ADGRB3: variants seen among roughly 807,000 people sequenced by gnomAD.
ADGRB3 encodes the protein brain-specific angiogenesis inhibitor 3.
Under a neutral mutation model 193.4 loss-of-function variants are expected in ADGRB3, and 37 were observed. That is an observed-to-expected ratio of 0.19 (90% confidence interval 0.15 to 0.25). ADGRB3 has a LOEUF of 0.25. ADGRB3 is among the 10% of genes least tolerant of loss of function. The pLI, the probability that ADGRB3 is intolerant of heterozygous loss-of-function variation, is 1.00. For synonymous variants in ADGRB3, 690 were observed against 644.2 expected, an observed-to-expected ratio of 1.07 and a Z score of -1.08; for missense variants, 1,637 against 1,852.9, an observed-to-expected ratio of 0.88 and a Z score of 2.14.
intron 3 of ADGRB3, among the ~76,000 whole-genome samples, chr6:68,904,572 C>G (rs904127649): frequency 6.6e-6 from 1 of 152,132 alleles, no homozygotes; most frequent in African/African-American, 2.4e-5. Flanking sequence ...TAAATGGAAT[C>G]ATTGCTGATT....
In ADGRB3 at chr6:68,911,721, A is replaced by G. The variant is rs367589867; in HGVS notation, c.758-18838A>G. ...CCATGGTCTTTGCAAAAATAAGTTT[A>G]AGGCTGGCAATTACTTTTTTAGCTC... On this transcript the variant is annotated intron_variant, in intron 3 of 31. Coordinates refer to ENST00000370598, the MANE Select transcript of ADGRB3 (RefSeq NM_001704.3). Among the ~76,000 whole-genome samples the G allele has an allele frequency of 6.6e-5, 10 of 152,300 alleles. No individual in the cohort carries two copies. In the East Asian group the frequency reaches 1.5e-3, roughly 24 times the overall value.
intron 17 of ADGRB3, among the ~76,000 whole-genome samples, chr6:69,172,956 G>A (rs141656891): frequency 1.3e-5 from 2 of 152,210 alleles, no homozygotes; most frequent in Non-Finnish European, 2.9e-5. Flanking sequence ...TAAAGAGACA[G>A]GAGTTATAGG....
chr6:69,124,049 G>A (rs1300870471), intron 17 of ADGRB3, among the ~76,000 whole-genome samples: 1 of 151,562 alleles, frequency 6.6e-6, no homozygotes, highest in African/African-American at 2.4e-5. Context: ...ATAAACATTA[G>A]AGGCATCATT....
At position 69,063,026 on chromosome 6, in the gene ADGRB3, A is replaced by G. The variant is rs1275439015; in HGVS notation, c.2426A>G (p.His809Arg). 6.2e-7 allele frequency: 1 copy of G among 1,610,710 alleles called. No homozygotes were observed. Among genetic ancestry groups the G allele is most frequent in the East Asian group, 2.2e-5 (1 of 44,806 alleles). ...TDSFLEIELA[H>R]LANGTLNPYC... The stretch of plus-strand genomic sequence containing the variant: ...TCGTTTCTGGAGATAGAACTAGCTC[A>G]TTTGGCTAATGTAAGTACCATCCAC... Residue 809 changes from histidine (H) to arginine (R), a missense_variant, in exon 16 of 32, where the codon CAT becomes CGT. Physicochemically the swap from His to Arg is conservative, Grantham distance 29 (BLOSUM62 0). This residue lies in a region of ADGRB3 where 641 missense variants were observed against 673.9 expected (regional missense o/e 0.95). Transcript: ENST00000370598.
intron 17 of ADGRB3, chr6:69,233,040 G>T (rs1361462116): frequency 4.2e-5 from 22 of 519,486 alleles, no homozygotes; most frequent in South Asian, 3.7e-4. Context: ...AGCTAGTCCC[G>T]GTTTCAGCAC....
chr6:69,383,074 T>C (rs1318546117), intron 31 of ADGRB3, 139 bp downstream of exon 31: 2 of 467,938 alleles, frequency 4.3e-6, no homozygotes, highest in African/African-American at 2.0e-5. Context: ...AAAACATACT[T>C]TGGAAAGTCT....
At chr6:69,182,793 T>C (rs1315462864) in intron 17 of ADGRB3, among the ~76,000 whole-genome samples, 1 of 152,072 alleles carries the variant, frequency 6.6e-6, no homozygotes, top group Non-Finnish European at 1.5e-5. Flanking sequence ...ATTTCCATGG[T>C]GTAAATATTC....
chr6:69,211,560 G>T (rs573031796), intron 17 of ADGRB3, among the ~76,000 whole-genome samples: 27 of 152,194 alleles, frequency 1.8e-4, no homozygotes, highest in African/African-American at 6.5e-4. Context: ...TGTAACAACT[G>T]AGCTTAAAGA....
At chr6:69,317,233 A>G (rs976072178) in intron 20 of ADGRB3, among the ~76,000 whole-genome samples, 2 of 151,548 alleles carry the variant, frequency 1.3e-5, no homozygotes, top group Non-Finnish European at 3.0e-5. Flanking sequence ...CAGTACGTAC[A>G]TCAAAGATGA....
chr6:68,741,502 T>C (rs1298423383), intron 3 of ADGRB3, among the ~76,000 whole-genome samples: 3 of 152,114 alleles, frequency 2.0e-5, no homozygotes, highest in Non-Finnish European at 2.9e-5. Context: ...TCCTCCAACC[T>C]GAGCCTCCCG....
At chr6:68,756,418 C>CTG (rs1270234990) in intron 3 of ADGRB3, among the ~76,000 whole-genome samples, 1 of 152,154 alleles carries the variant, frequency 6.6e-6, no homozygotes, top group Non-Finnish European at 1.5e-5. Flanking sequence ...CAAGGGGGAA[C>CTG]TGTGTGTGCA....
chr6:69,355,183 A>G (rs1378878663), intron 27 of ADGRB3, among the ~76,000 whole-genome samples: 1 of 152,188 alleles, frequency 6.6e-6, no homozygotes, highest in Non-Finnish European at 1.5e-5. Flanking sequence ...AAATTTTATC[A>G]TTTCAAAACA....
chr6:69,079,420 A>G (rs907764432), intron 17 of ADGRB3, among the ~76,000 whole-genome samples: 2 of 152,094 alleles, frequency 1.3e-5, no homozygotes, highest in African/African-American at 4.8e-5. Flanking sequence ...TTGATGGAAC[A>G]TATCTCAAAA....
chr6:68,726,696 T>C (rs566452013), intron 3 of ADGRB3, among the ~76,000 whole-genome samples: 2 of 151,798 alleles, frequency 1.3e-5, no homozygotes, highest in South Asian at 4.1e-4. Flanking sequence ...ATTTTTGAGA[T>C]CTGACATCCT....
At chr6:68,719,089 A>G (rs928300925) in intron 3 of ADGRB3, among the ~76,000 whole-genome samples, 1 of 151,852 alleles carries the variant, frequency 6.6e-6, no homozygotes, top group Non-Finnish European at 1.5e-5. Context: ...TATAAGTTAT[A>G]TAAAGTAATT....
intron 3 of ADGRB3, among the ~76,000 whole-genome samples, chr6:68,816,729 T>A (rs1360492817): frequency 1.3e-5 from 2 of 151,936 alleles, no homozygotes; most frequent in Non-Finnish European, 2.9e-5. Context: ...CACACAAAGG[T>A]TATAATTAAT....
chr6:68,686,591 C>T (rs1251477609), intron 3 of ADGRB3, among the ~76,000 whole-genome samples: 1 of 152,168 alleles, frequency 6.6e-6, no homozygotes, highest in East Asian at 1.9e-4. Context: ...GGTTTTAGCA[C>T]ACATCAGTGG....
At chr6:69,131,591 A>G (rs554964998) in intron 17 of ADGRB3, among the ~76,000 whole-genome samples, 67 of 152,086 alleles carry the variant, frequency 4.4e-4, no homozygotes, top group Non-Finnish European at 4.7e-4. Context: ...CTATTTATTT[A>G]AATTTTATAA....
intron 17 of ADGRB3, among the ~76,000 whole-genome samples, chr6:69,175,549 G>T (rs1775397211): frequency 6.6e-6 from 1 of 151,742 alleles, no homozygotes; most frequent in African/African-American, 2.4e-5. Context: ...TAGCCTTATA[G>T]TAGTACAGTG....
Sources: allele counts gnomAD v4.1 joint callset (sites outside exome capture counted in the v4.1 genomes callset), GRCh38; gene constraint gnomAD v4.1.1; regional missense constraint gnomAD v4.1.1; transcripts MANE v1.5; gene names NCBI Gene and HGNC (gene_info 2026-07-23, HGNC 2026-07-21).